Variants in E2F4 observed in about 807,000 individuals in gnomAD.
E2F4 encodes the protein E2F transcription factor 4, also known as transcription factor E2F4.
A neutral mutation model predicts 44.5 loss-of-function variants in E2F4; 16 were observed. That is an observed-to-expected ratio of 0.36 (90% CI 0.24 to 0.55). E2F4 has a LOEUF of 0.55. Ranked by LOEUF, E2F4 falls within the 20% of genes least tolerant of loss-of-function variation. E2F4 has a pLI of 0.87. For synonymous variants in E2F4, 242 were observed against 207.2 expected, an observed-to-expected ratio of 1.17 and a Z score of -1.44; for missense variants, 473 against 522.1, an observed-to-expected ratio of 0.91 and a Z score of 0.92.
rs377455512 is a variant in E2F4 at position 67,194,915 on chromosome 16, C to T, written c.743C>T (p.Thr248Ile). 2.9e-5 allele frequency: 47 copies of T among 1,614,118 alleles called. No homozygotes were observed. Among genetic ancestry groups the T allele is most frequent in the Admixed American group, 5.0e-5 (3 of 60,010 alleles). The change falls in exon 6 of 10, where the codon ACT becomes ATT. Residue 248 changes from threonine (T) to isoleucine (I), a missense_variant. Thr to Ile is a moderately conservative substitution (Grantham distance 89, BLOSUM62 -1). Around this residue, in one of 3 missense-constraint regions of E2F4, gnomAD observed 314 missense variants for 315.6 expected, o/e 0.99. Transcript: ENST00000379378. ...TCACGTCCAAATAGTCCTCAGCTCA[C>T]TCCCACTGCTGTCCCTGGCAGTGCA... ...EASRPNSPQL[T>I]PTAVPGSAEV...
intron 6 of E2F4, among the ~76,000 whole-genome samples, 179 bp downstream of exon 6, chr16:67,195,159 G>A (rs2142212780): frequency 6.6e-6 from 1 of 152,332 alleles, no homozygotes; most frequent in South Asian, 2.1e-4. Context: ...TTGAGACGGA[G>A]TCTCACTGTG....
In E2F4 at chr16:67,192,216, CG is replaced by C; in HGVS notation, c.-9del. 1 of 1,062,894 alleles carries C rather than the reference CG, an allele frequency of 9.4e-7. No homozygotes were observed. 65.8% of individuals were successfully genotyped at this position (1,062,894 alleles called of 1,614,324 possible). Reference sequence around the variant, plus strand: ...GCCTGGCCTGGCTGAGGGGAGGCGGCGGGCGGGCGCGATGGCGGAGGCCGGG... The same window carrying C: ...GCCTGGCCTGGCTGAGGGGAGGCGGCGGCGGGCGCGATGGCGGAGGCCGGG... On this transcript the variant is annotated 5_prime_UTR_variant, in exon 1 of 10. Transcript: ENST00000379378.
In E2F4 at chr16:67,194,893, C is replaced by A; in HGVS notation, c.721C>A (p.Arg241Ser). ...CCTAGCCCAGTCCCAGGAAGCCTCA[C>A]GTCCAAATAGTCCTCAGCTCACTCC... is the stretch of plus-strand genomic sequence containing the variant. ...PALAQSQEAS[R>S]PNSPQLTPTA... is the part of the protein sequence containing the mutation. Residue 241 changes from arginine to serine, a missense_variant, in exon 6 of 10, where the codon CGT becomes AGT. This residue lies in a region of E2F4 where 314 missense variants were observed against 315.6 expected (regional missense o/e 0.99). Transcript: ENST00000379378. 1 of 1,614,188 alleles carries A rather than the reference C, an allele frequency of 6.2e-7. No individual in the cohort carries two copies. Among genetic ancestry groups the A allele is most frequent in the South Asian group, 1.1e-5 (1 of 91,082 alleles).
chr16:67,194,197 C>T (rs2142212164), intron 4 of E2F4: 1 of 577,776 alleles, frequency 1.7e-6, no homozygotes, highest in South Asian at 2.3e-5. Flanking sequence ...CATAATTGAA[C>T]CCAGATTTCC....
rs1271367121 is a variant in E2F4, at chr16:67,198,365, T to G, written c.*242T>G. 2 of 511,750 alleles carry G rather than the reference T, an allele frequency of 3.9e-6. No homozygotes were observed. The highest frequency in any genetic ancestry group is 3.8e-5 in the African/African-American group (2 of 52,014). 31.7% of individuals were successfully genotyped at this position (511,750 alleles called of 1,614,324 possible). On this transcript the variant is annotated 3_prime_UTR_variant, in exon 10 of 10. Transcript: ENST00000379378. ...TGGAGCCAAAGTGTTTGCTTCTCCC[T>G]TTCTGCGGCCTTCGCCAGCCCAGGC... is the stretch of plus-strand genomic sequence containing the variant.
chr16:67,192,853 G>A lies in E2F4; in HGVS notation c.228G>A (p.Lys76=), dbSNP rs112388145. ...EGIGLIEKKS[K]NSIQWKGVGP... is the part of the protein sequence containing the mutation. ...TCGGGCTAATCGAGAAAAAGTCCAA[G>A]AACAGCATCCAGTGGAAGTGAGTGG... The change falls in exon 2 of 10, where the codon AAG becomes AAA. Residue 76 remains lysine (K), a synonymous_variant. Transcript: ENST00000379378. 5 of 1,611,782 alleles carry A rather than the reference G, an allele frequency of 3.1e-6. No individual in the cohort carries two copies. In the African/African-American group the frequency reaches 6.7e-5, roughly 22 times the overall value.
In E2F4 at chr16:67,195,930, C is replaced by CAACAGT. The variant is rs747009933; in HGVS notation, c.963_968dup (p.Asn322_Ser323dup). ...GCAGCAGCAGCAGCAGCAGCAGCAG[C>CAACAGT]AACAGTAACAGCAGCAGTTCGTCCG... On this transcript the variant is annotated inframe_insertion, in exon 7 of 10. Transcript: ENST00000379378. The CAACAGT allele has an allele frequency of 5.6e-5, 91 of 1,613,662 alleles. No homozygotes were observed. In the East Asian group the frequency reaches 1.6e-3, roughly 28 times the overall value.
chr16:67,192,922 G>T, intron 2 of E2F4, 52 bp downstream of exon 2: 3 of 1,574,420 alleles, frequency 1.9e-6, no homozygotes, highest in Non-Finnish European at 2.6e-6. Flanking sequence ...GAAGTGTCGG[G>T]CGTGGGGTGG....
At chr16:67,193,862 G>T in intron 4 of E2F4, 2 of 349,556 alleles carry the variant, frequency 5.7e-6, no homozygotes, top group Non-Finnish European at 1.0e-5. Flanking sequence ...AGGGCATGGG[G>T]GTGCCCACTT....
chr16:67,192,585 CCTGG>C, intron 1 of E2F4, 172 bp from the exon 2 acceptor site: 1 of 950,204 alleles, frequency 1.1e-6, no homozygotes. Context: ...CGTGGCCCTT[CCTGG>C]CTGGCGAGGA....
At chr16:67,197,768 T>C in intron 8 of E2F4, 99 bp from the exon 9 acceptor site, 1 of 1,601,784 alleles carries the variant, frequency 6.2e-7, no homozygotes. Flanking sequence ...GGGCAAAGGG[T>C]GAAGTTCCTG....
intron 6 of E2F4, 64 bp downstream of exon 6, chr16:67,195,044 C>G: frequency 6.4e-7 from 1 of 1,554,978 alleles, no homozygotes; most frequent in Non-Finnish European, 8.7e-7. Context: ...TGTGGAACAC[C>G]ATGCTCAGAG....
chr16:67,192,301 T>A lies in E2F4; in HGVS notation c.74T>A (p.Leu25His). The A allele has an allele frequency of 7.1e-7, 1 of 1,414,920 alleles. No individual in the cohort carries two copies. The highest frequency in any genetic ancestry group is 9.2e-7 in the Non-Finnish European group (1 of 1,081,394). 87.6% of individuals were successfully genotyped at this position (1,414,920 alleles called of 1,614,324 possible). Reference protein sequence around the residue: ...PSRHEKSLGLLTTKFVSLLQE... With the variant: ...PSRHEKSLGLHTTKFVSLLQE... ...CGGCACGAAAAGAGCCTGGGACTGC[T>A]CACCACCAAGTTCGTGTCCCTTCTG... Residue 25 changes from leucine to histidine, a missense_variant, in exon 1 of 10, where the codon CTC (leucine) becomes CAC (histidine). By Grantham distance (99) the Leu-to-His change is moderately conservative. Transcript: ENST00000379378.
chr16:67,192,537 C>T (rs2032903461), intron 1 of E2F4, 175 bp downstream of exon 1: 13 of 1,084,594 alleles, frequency 1.2e-5, no homozygotes, highest in Non-Finnish European at 1.5e-5. Context: ...CATCGAGCTA[C>T]AGCTATGGGC....
chr16:67,192,395 C>A, intron 1 of E2F4, 33 bp downstream of exon 1: 10 of 1,409,888 alleles, frequency 7.1e-6, no homozygotes, highest in Non-Finnish European at 9.3e-6. Context: ...ACAAGGGAGG[C>A]TGGTGGACCA....
At position 67,194,976 on chromosome 16, in the gene E2F4, C is replaced by T. The variant is rs151096716; in HGVS notation, c.804C>T (p.Ile268=). 57 of 1,612,646 alleles carry T rather than the reference C, an allele frequency of 3.5e-5. No individual in the cohort carries two copies. The African/African-American group carries it at 5.7e-4, about 16-fold the overall frequency. Residue 268 remains isoleucine (I), a synonymous_variant, in exon 6 of 10, where the codon ATC becomes ATT. Transcript: ENST00000379378. The part of the protein sequence containing the change: ...VQGMAGPAAE[I]TVSGGPGTDS... ...GAATGGCTGGCCCAGCAGCTGAGAT[C>T]ACAGGTGAGGCACCATGGGAGCTTG...
Position 67,194,677 on chromosome 16 carries a change from C to G in E2F4, c.514-9C>G. 6.2e-7 allele frequency: 1 copy of G among 1,606,858 alleles called. No homozygotes were observed. The highest frequency in any genetic ancestry group is 1.1e-5 in the South Asian group (1 of 90,958). Reference sequence around the variant, plus strand: ...TACCCATCTCCCATCCCTTACCACCCATCTCTAGGGTCTCAATGGGCAGAA... The same window carrying G: ...TACCCATCTCCCATCCCTTACCACCGATCTCTAGGGTCTCAATGGGCAGAA... On this transcript the variant is annotated splice_polypyrimidine_tract_variant and intron_variant, in intron 5 of 9. Transcript: ENST00000379378.
Position 67,192,222 on chromosome 16 carries a change from G to T in E2F4, c.-6G>T, listed in dbSNP as rs761414731. ...CCTGGCTGAGGGGAGGCGGCGGGCG[G>T]GCGCGATGGCGGAGGCCGGGCCACA... On this transcript the variant is annotated 5_prime_UTR_variant, in exon 1 of 10. Coordinates refer to ENST00000379378, the MANE Select transcript of E2F4 (RefSeq NM_001950.4). 3.2e-6 allele frequency: 4 copies of T among 1,253,196 alleles called. No individual in the cohort carries two copies. In the East Asian group the frequency reaches 1.3e-4, roughly 39 times the overall value. 77.6% of individuals were successfully genotyped at this position (1,253,196 alleles called of 1,614,324 possible).
rs2033007611 is a variant in E2F4 at position 67,198,260 on chromosome 16, G to A, written c.*137G>A. The A allele has an allele frequency of 1.4e-6, 1 of 724,920 alleles. No individual in the cohort carries two copies. Among genetic ancestry groups the A allele is most frequent in the Non-Finnish European group, 2.4e-6 (1 of 422,614 alleles). The allele number at this position is 724,920 out of a possible 1,614,324, so 44.9% of individuals were successfully genotyped here. Reference sequence around the variant, plus strand: ...TTCTCCGGCCTCCCCTCACCGCACAGTTCTGGCCACAGCTCCCGCTCCTGT... The same window carrying A: ...TTCTCCGGCCTCCCCTCACCGCACAATTCTGGCCACAGCTCCCGCTCCTGT... On this transcript the variant is annotated 3_prime_UTR_variant, in exon 10 of 10. Coordinates refer to ENST00000379378, the MANE Select transcript of E2F4 (RefSeq NM_001950.4).
Sources: allele counts gnomAD v4.1 joint callset (sites outside exome capture counted in the v4.1 genomes callset), GRCh38; gene constraint gnomAD v4.1.1; regional missense constraint gnomAD v4.1.1; transcripts MANE v1.5; gene names NCBI Gene and HGNC (gene_info 2026-07-23, HGNC 2026-07-21).